The following MOXD1 variants were observed in gnomAD, a reference collection of about 807,000 sequenced individuals.
The protein encoded by MOXD1 is monooxygenase DBH like 1.
MOXD1 carries 62 observed loss-of-function variants against 66.6 expected under a neutral mutation model. That is an observed-to-expected ratio of 0.93 (90% CI 0.76 to 1.15). MOXD1 has a LOEUF of 1.15. Among genes scored for constraint, MOXD1 ranks in the 50% most tolerant of loss-of-function variants. MOXD1 has a pLI of 0.00. For synonymous variants in MOXD1, 303 were observed against 281.9 expected (o/e 1.07, Z -0.75); for missense variants, 847 against 754.6 (o/e 1.12, Z -1.44).
chr6:132,367,190 G>A (rs1271644945), intron 4 of MOXD1, among the ~76,000 whole-genome samples: 1 of 151,988 alleles, frequency 6.6e-6, no homozygotes, highest in East Asian at 1.9e-4. Context: ...GGACAAACTA[G>A]GTTTTCTTTG....
At chr6:132,326,372 T>C (rs1775188651) in intron 6 of MOXD1, among the ~76,000 whole-genome samples, 1 of 151,954 alleles carries the variant, frequency 6.6e-6, no homozygotes, top group African/African-American at 2.4e-5. Flanking sequence ...TATGAGAAAG[T>C]CAACTTAATT....
chr6:132,362,452 G>A (rs1197480510), intron 4 of MOXD1, among the ~76,000 whole-genome samples: 1 of 152,124 alleles, frequency 6.6e-6, no homozygotes, highest in Non-Finnish European at 1.5e-5. Flanking sequence ...CTGACCAAAG[G>A]TTAAAGTAAG....
At chr6:132,375,680 A>T (rs1776365391) in intron 1 of MOXD1, among the ~76,000 whole-genome samples, 1 of 152,074 alleles carries the variant, frequency 6.6e-6, no homozygotes, top group Non-Finnish European at 1.5e-5. Flanking sequence ...TCGGCCTCCC[A>T]AAGTGCTGGG....
rs538272160 is a variant in MOXD1, at chr6:132,354,380, G to A, written c.663+18228C>T. Among the ~76,000 whole-genome samples the A allele has an allele frequency of 1.1e-4, 16 of 152,164 alleles. No individual in the cohort carries two copies. The South Asian group carries it at 2.7e-3, about 26-fold the overall frequency. On this transcript the variant is annotated intron_variant, in intron 4 of 11. Transcript: ENST00000367963. ...ATAGTACTCTCCCCTTTTTTCTATG[G>A]ATGTGGCTTCCTGTGAGATAAGCTG...
At chr6:132,379,755 AG>A (rs1776472579) in intron 1 of MOXD1, among the ~76,000 whole-genome samples, 1 of 152,116 alleles carries the variant, frequency 6.6e-6, no homozygotes, top group Non-Finnish European at 1.5e-5. Flanking sequence ...ATTTTACTTG[AG>A]TTCCTGAATT....
intron 4 of MOXD1, among the ~76,000 whole-genome samples, chr6:132,343,779 C>T (rs78352427): frequency 0.014 from 2,093 of 151,942 alleles, 29 homozygotes; most frequent in Non-Finnish European, 0.022. Context: ...AGCATAAAAC[C>T]GGAAATAATT....
intron 4 of MOXD1, among the ~76,000 whole-genome samples, chr6:132,329,123 C>T (rs1366447830): frequency 6.6e-6 from 1 of 152,140 alleles, no homozygotes; most frequent in Non-Finnish European, 1.5e-5. Flanking sequence ...ACTCTCCCCA[C>T]CCCACGACAG....
intron 4 of MOXD1, among the ~76,000 whole-genome samples, chr6:132,333,483 A>G (rs1038584354): frequency 2.0e-5 from 3 of 152,216 alleles, no homozygotes; most frequent in African/African-American, 7.2e-5. Flanking sequence ...AAAAATATTA[A>G]AATTGTACGA....
chr6:132,364,894 C>G (rs892671479), intron 4 of MOXD1, among the ~76,000 whole-genome samples: 1 of 152,114 alleles, frequency 6.6e-6, no homozygotes, highest in Non-Finnish European at 1.5e-5. Context: ...CACTAGTAGG[C>G]TGAGGAGCCA....
At chr6:132,361,978 T>C (rs922689885) in intron 4 of MOXD1, among the ~76,000 whole-genome samples, 1 of 152,132 alleles carries the variant, frequency 6.6e-6, no homozygotes, top group Non-Finnish European at 1.5e-5. Flanking sequence ...AACTTGAATA[T>C]AAAATATCTC....
At chr6:132,380,684 C>T (rs925432129) in intron 1 of MOXD1, among the ~76,000 whole-genome samples, 1 of 152,096 alleles carries the variant, frequency 6.6e-6, no homozygotes, top group Non-Finnish European at 1.5e-5. Context: ...CTTAGTATTT[C>T]AGTTATAAAT....
intron 10 of MOXD1, among the ~76,000 whole-genome samples, chr6:132,306,300 G>C (rs1316792432): frequency 2.0e-5 from 3 of 151,914 alleles, no homozygotes; most frequent in Non-Finnish European, 4.4e-5. Context: ...AAGGCATGCA[G>C]ACAAGACTAG....
chr6:132,369,576 T>C (rs1448395142), intron 4 of MOXD1, among the ~76,000 whole-genome samples: 1 of 152,030 alleles, frequency 6.6e-6, no homozygotes, highest in Non-Finnish European at 1.5e-5. Context: ...ATCATTACTC[T>C]TGTGCTTTGG....
Position 132,328,540 on chromosome 6 carries a change from A to G in MOXD1, c.718T>C (p.Tyr240His), listed in dbSNP as rs1775242116. 1.2e-6 allele frequency: 2 copies of G among 1,614,024 alleles called. No individual in the cohort carries two copies. The highest frequency in any genetic ancestry group is 1.7e-6 in the Non-Finnish European group (2 of 1,180,008). ...HESLVHHILL[Y>H]QCSNNFNDSV... ...TCGTTAAAGTTGTTGCTGCACTGAT[A>G]GAGCAGGATGTGGTGCACCAGACTC... The change falls in exon 5 of 12, where the codon TAT becomes CAT. Residue 240 changes from tyrosine to histidine, a missense_variant. Transcript: ENST00000367963.
intron 1 of MOXD1, among the ~76,000 whole-genome samples, chr6:132,380,524 A>T (rs544864744): frequency 1.3e-5 from 2 of 152,186 alleles, no homozygotes; most frequent in South Asian, 4.2e-4. Flanking sequence ...TTCCCCTATG[A>T]AGTTTTCTTT....
rs559721178 is a variant in MOXD1, at chr6:132,319,574, G to A, written c.1365+1055C>T. Reference sequence around the variant, plus strand: ...ATTAATTTTAGATAGTATCAATTTGGAGGAGGGTTTGATGCAGAAAATTAC... The same window carrying A: ...ATTAATTTTAGATAGTATCAATTTGAAGGAGGGTTTGATGCAGAAAATTAC... On this transcript the variant is annotated intron_variant, in intron 9 of 11. Transcript: ENST00000367963. 7.3e-5 allele frequency among the ~76,000 whole-genome samples: 11 copies of A among 151,604 alleles called. No homozygotes were observed. In the South Asian group the frequency reaches 2.1e-3, roughly 29 times the overall value.
chr6:132,320,382 A>G (rs965604044), intron 9 of MOXD1, among the ~76,000 whole-genome samples: 1 of 152,154 alleles, frequency 6.6e-6, no homozygotes, highest in Non-Finnish European at 1.5e-5. Context: ...AAGACTAAGG[A>G]TAGCTTTTCA....
chr6:132,329,351 T>C (rs1211563279), intron 4 of MOXD1, among the ~76,000 whole-genome samples: 1 of 152,234 alleles, frequency 6.6e-6, no homozygotes, highest in African/African-American at 2.4e-5. Flanking sequence ...TGTGCCACAT[T>C]TTCTTAATCC....
chr6:132,316,164 C>A (rs1774947801), intron 9 of MOXD1, among the ~76,000 whole-genome samples: 2 of 106,634 alleles, frequency 1.9e-5, no homozygotes, highest in African/African-American at 1.5e-4. Flanking sequence ...ACATTAGCAG[C>A]TGCATACGAC....
Sources: gnomAD v4.1 joint callset for allele counts (sites outside exome capture counted in the v4.1 genomes callset) on GRCh38, gnomAD v4.1.1 for gene constraint, MANE v1.5 for transcripts, NCBI Gene and HGNC (gene_info 2026-07-23, HGNC 2026-07-21) for gene names.